The following TLCD3B variants were observed in gnomAD, a reference collection of about 807,000 sequenced individuals.
TLCD3B encodes TLC domain containing 3B.
A neutral mutation model predicts 23.0 loss-of-function variants in TLCD3B; 9 were observed. That is an observed-to-expected ratio of 0.39 (90% CI 0.24 to 0.68). TLCD3B has a LOEUF of 0.68. Among genes scored for constraint, TLCD3B ranks in the 30% least tolerant of loss-of-function variants. The probability of loss-of-function intolerance (pLI) is 0.44; values close to 1 mark genes in which losing one functional copy is unlikely to be tolerated. For missense variants in TLCD3B, 307 were observed against 371.8 expected, an observed-to-expected ratio of 0.83 and a Z score of 1.43; for synonymous variants, 161 against 161.0, an observed-to-expected ratio of 1.00 and a Z score of 0.00.
rs1596750692 is a variant in TLCD3B at position 30,030,681 on chromosome 16, G to A, written c.-154C>T. The stretch of plus-strand genomic sequence containing the variant: ...AAAGGGGCCAGGGCGGGGACGGGAT[G>A]GGGCCAGGGAGTCCGATGAAACTGG... On this transcript the variant is annotated 5_prime_UTR_variant, in exon 1 of 5. Coordinates refer to ENST00000380495, the MANE Select transcript of TLCD3B (RefSeq NM_031478.6). 1 of 1,254,530 alleles carries A rather than the reference G, an allele frequency of 8.0e-7. No homozygotes were observed. Among genetic ancestry groups the A allele is most frequent in the South Asian group, 2.3e-5 (1 of 43,280 alleles). The allele number at this position is 1,254,530 out of a possible 1,614,324, so 77.7% of individuals were successfully genotyped here. A position where few individuals can be genotyped will look rare whatever the true frequency, so the allele number is the denominator to read the frequency against.
chr16:30,027,567 C>T (rs1472541259), intron 2 of TLCD3B: 1 of 456,110 alleles, frequency 2.2e-6, no homozygotes, highest in Non-Finnish European at 4.4e-6. Flanking sequence ...GCCCCAAAGT[C>T]ACCCAATCTC....
Position 30,024,973 on chromosome 16 carries a change from T to G in TLCD3B, c.*210A>C. 2.0e-6 allele frequency: 1 copy of G among 495,460 alleles called. No homozygotes were observed. Among genetic ancestry groups the G allele is most frequent in the Non-Finnish European group, 3.5e-6 (1 of 284,364 alleles). 30.7% of individuals were successfully genotyped at this position (495,460 alleles called of 1,614,324 possible). A position where few individuals can be genotyped will look rare whatever the true frequency, so the allele number is the denominator to read the frequency against. ...CCCCTCCCCTCCTCCAGCGCAAGGG[T>G]GTGCAGGAAGGGGGCAGAGTAGGGG... On this transcript the variant is annotated 3_prime_UTR_variant, in exon 5 of 5. Transcript: ENST00000380495.
intron 2 of TLCD3B, among the ~76,000 whole-genome samples, chr16:30,028,565 G>T (rs922673269): frequency 6.6e-6 from 1 of 152,140 alleles, no homozygotes; most frequent in Non-Finnish European, 1.5e-5. Flanking sequence ...CTCTGCAGCT[G>T]CCACTTAACT....
intron 1 of TLCD3B, among the ~76,000 whole-genome samples, chr16:30,052,516 G>A (rs2071778740): frequency 1.3e-5 from 2 of 151,560 alleles, no homozygotes; most frequent in African/African-American, 4.8e-5. Context: ...GGTCAACATT[G>A]CGAAACCCTG....
chr16:30,027,536 C>T lies in TLCD3B; in HGVS notation c.210-693G>A, dbSNP rs997948855. ...CAGACCCTGTTGGCAAGTGAGAGGTCTTGTCAGCGCTGTTCGCCCTGCCCC... is the reference window on the plus strand; with the variant it reads ...CAGACCCTGTTGGCAAGTGAGAGGTTTTGTCAGCGCTGTTCGCCCTGCCCC... On this transcript the variant is annotated intron_variant, in intron 2 of 4. Transcript: ENST00000380495. 1.2e-4 allele frequency: 54 copies of T among 454,542 alleles called. No homozygotes were observed. In the Admixed American group the frequency reaches 1.2e-3, roughly 10 times the overall value. The allele number at this position is 454,542 out of a possible 1,614,324, so 28.2% of individuals were successfully genotyped here. A position where few individuals can be genotyped will look rare whatever the true frequency, so the allele number is the denominator to read the frequency against.
Position 30,029,346 on chromosome 16 carries a change from T to C in TLCD3B, c.209+86A>G. On this transcript the variant is annotated intron_variant, in intron 2 of 4. Coordinates refer to ENST00000380495, the MANE Select transcript of TLCD3B (RefSeq NM_031478.6). The surrounding 1 kb of genome is among the most constrained non-coding windows in gnomAD (Gnocchi z 4.6). The stretch of plus-strand genomic sequence containing the variant: ...AAGGGCTTGGGGACCACAGACAGAG[T>C]TCCCTCCAAGATGTGGGGTCTTCCG... The C allele has an allele frequency of 6.6e-6, 8 of 1,218,520 alleles. No individual in the cohort carries two copies. The highest frequency in any genetic ancestry group is 9.6e-6 in the Non-Finnish European group (8 of 837,540). 75.5% of individuals were successfully genotyped at this position (1,218,520 alleles called of 1,614,324 possible).
Position 30,024,855 on chromosome 16 carries a change from C to A in TLCD3B, c.*328G>T. 3.5e-6 allele frequency: 1 copy of A among 282,242 alleles called. No homozygotes were observed. Among genetic ancestry groups the A allele is most frequent in the Non-Finnish European group, 6.5e-6 (1 of 153,184 alleles). 17.5% of individuals were successfully genotyped at this position (282,242 alleles called of 1,614,324 possible). ...GGGGCTGGGATGGCCTTGGCAGAGG[C>A]GTCTCCCCACATTCTGACTCCTGGT... is the stretch of plus-strand genomic sequence containing the variant. On this transcript the variant is annotated 3_prime_UTR_variant, in exon 5 of 5. Transcript: ENST00000380495.
intron 3 of TLCD3B, among the ~76,000 whole-genome samples, chr16:30,038,067 T>C (rs911322151): frequency 1.3e-5 from 2 of 152,182 alleles, no homozygotes; most frequent in Non-Finnish European, 2.9e-5. Flanking sequence ...AGTGTATACA[T>C]ATGTAAACAT....
chr16:30,052,260 C>T (rs571552085), intron 1 of TLCD3B, among the ~76,000 whole-genome samples: 72 of 151,452 alleles, frequency 4.8e-4, no homozygotes, highest in African/African-American at 1.7e-3. Flanking sequence ...CTCAGCTACT[C>T]GGGAGGCTGA....
chr16:30,030,137 C>G (rs2071309855), intron 1 of TLCD3B: 2 of 1,482,102 alleles, frequency 1.3e-6, no homozygotes, highest in African/African-American at 1.4e-5. Context: ...CATGCTGGCC[C>G]TGTTTTGGAG....
intron 1 of TLCD3B, among the ~76,000 whole-genome samples, chr16:30,048,807 G>C (rs1335312070): frequency 6.6e-6 from 1 of 151,474 alleles, no homozygotes; most frequent in African/African-American, 2.4e-5. Flanking sequence ...GTCTCTGTCT[G>C]TCACCCAGGC....
intron 3 of TLCD3B, chr16:30,036,472 C>T (rs1223494748): frequency 2.5e-6 from 3 of 1,194,962 alleles, no homozygotes; most frequent in Non-Finnish European, 3.2e-6. Context: ...TCCTGCCATC[C>T]TGCCTTCCTG....
At position 30,025,690 on chromosome 16, in the gene TLCD3B, C is replaced by T. The variant is rs1029274809; in HGVS notation, c.540+36G>A. The T allele has an allele frequency of 6.2e-7, 1 of 1,601,540 alleles. No individual in the cohort carries two copies. Among genetic ancestry groups the T allele is most frequent in the South Asian group, 1.1e-5 (1 of 90,848 alleles). ...AGGTCCCTCCCCTTCCTGTGACCTC[C>T]CCATTGGGCTCCTGCACCCTCCCAT... On this transcript the variant is annotated intron_variant, in intron 4 of 4. Coordinates refer to ENST00000380495, the MANE Select transcript of TLCD3B (RefSeq NM_031478.6). The surrounding 1 kb of genome is among the most constrained non-coding windows in gnomAD (Gnocchi z 4.1).
chr16:30,032,420 GCAATCTGTAGGAAAGCA>G (rs1468104180), upstream of TLCD3B, among the ~76,000 whole-genome samples: 1 of 152,156 alleles, frequency 6.6e-6, no homozygotes, highest in East Asian at 1.9e-4. Context: ...CCCTCTAGCG[GCAATCTGTAGGAAAGCA>G]CCCAAGAAGT....
At chr16:30,027,453 C>T (rs2071198131) in intron 2 of TLCD3B, 4 of 411,596 alleles carry the variant, frequency 9.7e-6, no homozygotes, top group Middle Eastern at 4.3e-4. Context: ...GGCGGTGTGG[C>T]TCCACAGCCC....
At position 30,029,496 on chromosome 16, in the gene TLCD3B, C is replaced by T. The variant is rs776091066; in HGVS notation, c.145G>A (p.Ala49Thr). 2 of 1,613,912 alleles carry T rather than the reference C, an allele frequency of 1.2e-6. No homozygotes were observed. Among genetic ancestry groups the T allele is most frequent in the Non-Finnish European group, 1.7e-6 (2 of 1,179,894 alleles). Residue 49 changes from alanine (A) to threonine (T), a missense_variant, in exon 2 of 5, where the codon GCC becomes ACC. Ala to Thr is a moderately conservative substitution (Grantham distance 58). Transcript: ENST00000380495. This position sits in a 1 kb window ranked among gnomAD's most constrained non-coding sequence, Gnocchi z 4.6. The part of the protein sequence containing the change: ...VSARLVSSVQ[A>T]IMASTAGYIV... ...TAGCCGGCAGTGGAGGCCATGATGG[C>T]CTGGACAGAGGACACCAGCCTGGGG...
chr16:30,043,709 G>A (rs2071613207), intron 2 of TLCD3B, among the ~76,000 whole-genome samples: 1 of 151,988 alleles, frequency 6.6e-6, no homozygotes, highest in Admixed American at 6.6e-5. Flanking sequence ...TTGAGATGGG[G>A]TTCTCACTCT....
upstream of TLCD3B, chr16:30,035,587 A>C: frequency 8.8e-7 from 1 of 1,130,716 alleles, no homozygotes. Flanking sequence ...GCCCCAAGAG[A>C]CCCATCCATC....
At chr16:30,050,574 G>T (rs1184675563) in intron 1 of TLCD3B, among the ~76,000 whole-genome samples, 1 of 152,112 alleles carries the variant, frequency 6.6e-6, no homozygotes, top group Non-Finnish European at 1.5e-5. Flanking sequence ...AAAACCGGAA[G>T]ACAGCCTAAG....
Sources: gnomAD v4.1 joint callset for allele counts (sites outside exome capture counted in the v4.1 genomes callset) on GRCh38, gnomAD v4.1.1 for gene constraint, Gnocchi (gnomAD v3.1) non-coding constraint, MANE v1.5 for transcripts, NCBI Gene and HGNC (gene_info 2026-07-23, HGNC 2026-07-21) for gene names.